Variants in CSMD3 observed in about 807,000 individuals in gnomAD.
The protein encoded by CSMD3 is CUB and Sushi multiple domains 3, also known as CUB and sushi domain-containing protein 3.
CSMD3 carries 177 observed loss-of-function variants against 435.2 expected under a neutral mutation model. That is an observed-to-expected ratio of 0.41 (90% confidence interval 0.36 to 0.46). The LOEUF (loss-of-function observed/expected upper bound fraction) is 0.46, where lower values mean the gene tolerates loss of function less well. Ranked by LOEUF, CSMD3 falls within the 20% of genes least tolerant of loss-of-function variation. The pLI, the probability that CSMD3 is intolerant of heterozygous loss-of-function variation, is 0.34. For synonymous variants in CSMD3, 1,656 were observed against 1,520.5 expected (o/e 1.09, Z -2.07); for missense variants, 4,265 against 4,504.6 (o/e 0.95, Z 1.52).
chr8:112,744,495 T>C (rs2077384663), intron 13 of CSMD3, among the ~76,000 whole-genome samples: 1 of 152,066 alleles, frequency 6.6e-6, no homozygotes, highest in African/African-American at 2.4e-5. Context: ...CATTTACTAA[T>C]ATAAAATACC....
chr8:112,954,583 G>T, intron 8 of CSMD3, 101 bp downstream of exon 8: 1 of 723,224 alleles, frequency 1.4e-6, no homozygotes, highest in Non-Finnish European at 2.5e-6. Context: ...CAGTTAATTT[G>T]GTAAATACAC....
chr8:113,095,967 C>T (rs546064133), intron 5 of CSMD3, among the ~76,000 whole-genome samples: 1 of 152,062 alleles, frequency 6.6e-6, no homozygotes, highest in Non-Finnish European at 1.5e-5. Flanking sequence ...ATCTCCTTTA[C>T]TGGTTCATCC....
At chr8:112,634,411 C>T (rs1181148943) in intron 22 of CSMD3, among the ~76,000 whole-genome samples, 2 of 151,926 alleles carry the variant, frequency 1.3e-5, no homozygotes, top group Non-Finnish European at 2.9e-5. Context: ...TATTTCTCCC[C>T]ATCCTGTAAC....
At chr8:113,231,368 G>A (rs1038167772) in intron 3 of CSMD3, among the ~76,000 whole-genome samples, 6 of 151,156 alleles carry the variant, frequency 4.0e-5, no homozygotes, top group African/African-American at 1.4e-4. Flanking sequence ...AAAGCATAAC[G>A]TAAATTCAGA....
At chr8:112,226,050 C>A (rs545033335) in intron 70 of CSMD3, among the ~76,000 whole-genome samples, 1 of 152,012 alleles carries the variant, frequency 6.6e-6, no homozygotes, top group South Asian at 2.1e-4. Flanking sequence ...ACTGAACAAT[C>A]GAATTTCAAC....
chr8:113,310,368 T>C (rs746430165), intron 2 of CSMD3: 2 of 152,030 alleles, frequency 1.3e-5, no homozygotes, highest in Non-Finnish European at 2.9e-5. Context: ...ATATATATCA[T>C]ATAAAAATTT....
chr8:112,517,264 T>A (rs766881626), intron 27 of CSMD3, 39 bp from the exon 28 acceptor site: 2 of 1,483,566 alleles, frequency 1.3e-6, no homozygotes, highest in Non-Finnish European at 1.9e-6. Context: ...TTTTGATAAC[T>A]ACCAAAATCA....
At position 113,235,135 on chromosome 8, in the gene CSMD3, G is replaced by T. The variant is rs188291127; in HGVS notation, c.514+43457C>A. Among the ~76,000 whole-genome samples, 259 of 152,146 alleles carry T rather than the reference G, an allele frequency of 1.7e-3. 1 individual carries two copies. Among genetic ancestry groups the T allele is most frequent in the Non-Finnish European group, 1.4e-3 (92 of 68,002 alleles). ...CTTTCAAATTGTGGTGAAAGTCTTC[G>T]GCAGGGAATAGTAGATACAGCAGTC... On this transcript the variant is annotated intron_variant, in intron 3 of 70. Coordinates refer to ENST00000297405, the MANE Select transcript of CSMD3 (RefSeq NM_198123.2).
chr8:112,774,154 A>G (rs2078189723), intron 13 of CSMD3, among the ~76,000 whole-genome samples: 1 of 152,028 alleles, frequency 6.6e-6, no homozygotes. Flanking sequence ...GTACATGACG[A>G]CATGCCTATC....
intron 13 of CSMD3, among the ~76,000 whole-genome samples, chr8:112,785,520 C>A (rs565238286): frequency 6.6e-6 from 1 of 152,044 alleles, no homozygotes; most frequent in South Asian, 2.1e-4. Context: ...TCTAAAGAGT[C>A]TACCAAAAAC....
chr8:113,045,505 A>G (rs1243948955), intron 5 of CSMD3, among the ~76,000 whole-genome samples: 1 of 149,460 alleles, frequency 6.7e-6, no homozygotes, highest in Non-Finnish European at 1.5e-5. Context: ...ACTCTAGTCT[A>G]TGGTTTCTAA....
At chr8:113,217,153 A>G (rs1210459300) in intron 3 of CSMD3, among the ~76,000 whole-genome samples, 1 of 151,856 alleles carries the variant, frequency 6.6e-6, no homozygotes, top group African/African-American at 2.4e-5. Flanking sequence ...AGAAAAATAG[A>G]AATAACTAAG....
chr8:113,335,251 A>G (rs377378545), intron 1 of CSMD3, among the ~76,000 whole-genome samples: 1 of 152,002 alleles, frequency 6.6e-6, no homozygotes, highest in Non-Finnish European at 1.5e-5. Flanking sequence ...TGTACAGTCT[A>G]CAGAATCATG....
In CSMD3 at chr8:113,142,309, C is replaced by A. The variant is rs560223784; in HGVS notation, c.709+31413G>T. Among the ~76,000 whole-genome samples, 6 of 151,168 alleles carry A rather than the reference C, an allele frequency of 4.0e-5. No homozygotes were observed. In the South Asian group the frequency reaches 1.2e-3, roughly 31 times the overall value. ...TGAAAAGACACAGGGACTACAATAGCTAAAATTATTTTGAAAAAGTAGAAT... is the reference window on the plus strand; with the variant it reads ...TGAAAAGACACAGGGACTACAATAGATAAAATTATTTTGAAAAAGTAGAAT... On this transcript the variant is annotated intron_variant, in intron 4 of 70. Transcript: ENST00000297405.
At chr8:112,351,855 A>T (rs1159601285) in intron 39 of CSMD3, among the ~76,000 whole-genome samples, 3 of 151,964 alleles carry the variant, frequency 2.0e-5, no homozygotes, top group African/African-American at 4.8e-5. Context: ...TTTATTCTTT[A>T]AGGAAATTTT....
At chr8:113,432,083 CCTT>C (rs773464244) in intron 1 of CSMD3, among the ~76,000 whole-genome samples, 5 of 152,084 alleles carry the variant, frequency 3.3e-5, no homozygotes, top group Non-Finnish European at 5.9e-5. Flanking sequence ...GATGCCGAAA[CCTT>C]CTCCTTAATT....
chr8:113,111,433 C>T (rs1287611152), intron 4 of CSMD3, among the ~76,000 whole-genome samples: 3 of 152,032 alleles, frequency 2.0e-5, no homozygotes, highest in African/African-American at 7.2e-5. Context: ...TGCAATAGAT[C>T]TTAAAACTTA....
At chr8:113,144,971 AGGTC>A (rs1300556356) in intron 4 of CSMD3, among the ~76,000 whole-genome samples, 1 of 151,638 alleles carries the variant, frequency 6.6e-6, no homozygotes, top group Non-Finnish European at 1.5e-5. Context: ...ATTTTATAGA[AGGTC>A]TATCAAATGC....
chr8:112,395,409 G>C (rs145709659), intron 35 of CSMD3, among the ~76,000 whole-genome samples: 1 of 152,118 alleles, frequency 6.6e-6, no homozygotes, highest in Non-Finnish European at 1.5e-5. Flanking sequence ...TGGATGAATG[G>C]ATAGATGAAT....
Sources: gnomAD v4.1 joint callset for allele counts (sites outside exome capture counted in the v4.1 genomes callset) on GRCh38, gnomAD v4.1.1 for gene constraint, MANE v1.5 for transcripts, NCBI Gene and HGNC (gene_info 2026-07-23, HGNC 2026-07-21) for gene names.